ACCSL: variants seen among roughly 807,000 people sequenced by gnomAD.
The protein encoded by ACCSL is 1-aminocyclopropane-1-carboxylate synthase homolog (inactive) like.
In ACCSL, 55 loss-of-function variants were observed where a neutral mutation model predicts 61.7. The observed-to-expected ratio is 0.89, with a 90% confidence interval of 0.72 to 1.12. The LOEUF is 1.12. Among genes scored for constraint, ACCSL ranks in the 50% most tolerant of loss-of-function variants. The probability of loss-of-function intolerance (pLI) is 0.00; values close to 1 mark genes in which losing one functional copy is unlikely to be tolerated. For missense variants in ACCSL, 632 were observed against 698.0 expected, an observed-to-expected ratio of 0.91 and a Z score of 1.07; for synonymous variants, 258 against 264.3, an observed-to-expected ratio of 0.98 and a Z score of 0.23.
chr11:43,944,605 G>A, the ACCSL span: 2 of 152,454 alleles, frequency 1.3e-5, no homozygotes, highest in Admixed American at 6.5e-5. Context: ...GTTTACATAT[G>A]AGAAAACAAG....
At chr11:43,930,081 A>G in the ACCSL span, among the ~76,000 whole-genome samples, 2 of 152,110 alleles carry the variant, frequency 1.3e-5, no homozygotes, top group African/African-American at 4.8e-5. Context: ...CACTCCCGAG[A>G]GTGTCTGTCC....
At chr11:43,993,222 G>T in the ACCSL span, among the ~76,000 whole-genome samples, 3 of 152,152 alleles carry the variant, frequency 2.0e-5, no homozygotes, top group Non-Finnish European at 4.4e-5. Flanking sequence ...GGCCCCTCCT[G>T]GTCTATTAGG....
chr11:43,944,681 C>A, the ACCSL span: 1 of 152,388 alleles, frequency 6.6e-6, no homozygotes, highest in Non-Finnish European at 1.5e-5. Flanking sequence ...TCTTGCACCG[C>A]AGGAGTTTGT....
the ACCSL span, among the ~76,000 whole-genome samples, chr11:44,033,945 C>A: frequency 6.8e-5 from 10 of 146,896 alleles, no homozygotes; most frequent in African/African-American, 2.3e-4. Context: ...TGCAGGAGCC[C>A]GAGAAAGAAG....
the ACCSL span, among the ~76,000 whole-genome samples, chr11:44,008,935 G>A: frequency 6.6e-6 from 1 of 152,220 alleles, no homozygotes; most frequent in Non-Finnish European, 1.5e-5. Context: ...GGGAGGCCAA[G>A]GTGTGCAGAT....
the ACCSL span, among the ~76,000 whole-genome samples, chr11:43,981,359 G>C: frequency 6.6e-6 from 1 of 152,136 alleles, no homozygotes; most frequent in Non-Finnish European, 1.5e-5. Flanking sequence ...AGTCAGAGAA[G>C]GCCCCAGGCA....
rs115799239 is a variant in ACCSL, at chr11:44,055,045, A to G, written c.1050-157A>G. 5.5e-3 allele frequency among the ~76,000 whole-genome samples: 845 copies of G among 152,346 alleles called. 11 individuals carry two copies. The highest frequency in any genetic ancestry group is 0.02 in the African/African-American group (819 of 41,570). ...ACCTTACTATGCCCCTTGGAGGGTC[A>G]GATGGGCTGCTGGGGCAGTAGGAGT... is the stretch of plus-strand genomic sequence containing the variant. On this transcript the variant is annotated intron_variant, in intron 8 of 13. Coordinates refer to ENST00000378832, the MANE Select transcript of ACCSL (RefSeq NM_001031854.2).
the ACCSL span, among the ~76,000 whole-genome samples, chr11:44,024,837 T>A: frequency 6.6e-6 from 1 of 152,182 alleles, no homozygotes; most frequent in African/African-American, 2.4e-5. Context: ...ATTTCTGTTA[T>A]TTTTTGCTTC....
chr11:43,970,761 G>T, the ACCSL span, among the ~76,000 whole-genome samples: 1 of 152,020 alleles, frequency 6.6e-6, no homozygotes, highest in Non-Finnish European at 1.5e-5. Flanking sequence ...CCTGTTTTAT[G>T]TAACACCTTA....
chr11:44,055,388 C>A, intron 9 of ACCSL, 97 bp downstream of exon 9: 2 of 868,142 alleles, frequency 2.3e-6, no homozygotes, highest in Non-Finnish European at 3.6e-6. Flanking sequence ...GTTCCTAGCA[C>A]ATAGCCAGTT....
chr11:43,932,449 A>T, the ACCSL span, among the ~76,000 whole-genome samples: 12 of 152,102 alleles, frequency 7.9e-5, no homozygotes, highest in Middle Eastern at 3.2e-3. Flanking sequence ...TTGTATTTTT[A>T]GTAGAGACAG....
rs943101711 is a variant in ACCSL at position 44,048,365 on chromosome 11, G to C, written c.329G>C (p.Arg110Thr). ...DSRGDVRYGQ[R>T]AQLSGQPDPV... ...AGGGGTGATGTCAGATATGGGCAGA[G>C]GGCCCAACTCTCTGGGCAGCCTGAT... Residue 110 changes from arginine to threonine, a missense_variant, in exon 1 of 14, where the codon AGG (arginine) becomes ACG (threonine). Physicochemically the swap from Arg to Thr is moderately conservative, Grantham distance 71. Coordinates refer to ENST00000378832, the MANE Select transcript of ACCSL (RefSeq NM_001031854.2). 4 of 1,614,158 alleles carry C rather than the reference G, an allele frequency of 2.5e-6. No homozygotes were observed. Among genetic ancestry groups the C allele is most frequent in the Non-Finnish European group, 2.5e-6 (3 of 1,180,028 alleles).
At chr11:43,926,530 G>C in the ACCSL span, 26 of 455,670 alleles carry the variant, frequency 5.7e-5, no homozygotes, top group Non-Finnish European at 9.7e-5. Flanking sequence ...TATATCCAGA[G>C]ATTGTGGGTC....
the ACCSL span, among the ~76,000 whole-genome samples, chr11:43,991,649 C>T: frequency 1.3e-5 from 2 of 152,156 alleles, no homozygotes; most frequent in African/African-American, 4.8e-5. Flanking sequence ...CAAAAATTAG[C>T]CGGGCCTGGT....
chr11:43,938,785 G>C, the ACCSL span, among the ~76,000 whole-genome samples: 3 of 152,180 alleles, frequency 2.0e-5, no homozygotes, highest in Non-Finnish European at 4.4e-5. Context: ...CTGGAAAACA[G>C]AGCAAGACTC....
Position 44,059,947 on chromosome 11 carries a change from C to T in ACCSL, c.*27C>T. On this transcript the variant is annotated 3_prime_UTR_variant, in exon 14 of 14. Coordinates refer to ENST00000378832, the MANE Select transcript of ACCSL (RefSeq NM_001031854.2). ...CCGTCTGCCTCCCAACCAGCAGTTC[C>T]AGCCCATCACTTGCTCAGGGACCCC... 3 of 1,605,622 alleles carry T rather than the reference C, an allele frequency of 1.9e-6. No individual in the cohort carries two copies. Among genetic ancestry groups the T allele is most frequent in the Non-Finnish European group, 2.6e-6 (3 of 1,173,024 alleles).
At chr11:43,976,097 AT>A in the ACCSL span, among the ~76,000 whole-genome samples, 1 of 152,180 alleles carries the variant, frequency 6.6e-6, no homozygotes, top group Non-Finnish European at 1.5e-5. Flanking sequence ...AGAAAAATGT[AT>A]TCAAGCAGCT....
At chr11:43,940,180 A>G in the ACCSL span, among the ~76,000 whole-genome samples, 4 of 151,840 alleles carry the variant, frequency 2.6e-5, no homozygotes, top group South Asian at 4.2e-4. Flanking sequence ...GGGTCTCACT[A>G]TGTTACCCAG....
At chr11:44,030,911 G>C in the ACCSL span, among the ~76,000 whole-genome samples, 1 of 152,146 alleles carries the variant, frequency 6.6e-6, no homozygotes, top group Admixed American at 6.5e-5. Context: ...GAAGAGACAA[G>C]GAGGGTCCTA....
Sources: allele counts gnomAD v4.1 joint callset (sites outside exome capture counted in the v4.1 genomes callset), GRCh38; gene constraint gnomAD v4.1.1; transcripts MANE v1.5; gene names NCBI Gene and HGNC (gene_info 2026-07-23, HGNC 2026-07-21).